Variants in SERPINB4 observed in about 807,000 individuals in gnomAD.
The protein encoded by SERPINB4 is serpin B4.
In SERPINB4, 39 loss-of-function variants were observed where a neutral mutation model predicts 33.2. That is an observed-to-expected ratio of 1.18 (90% confidence interval 0.91 to 1.53). The LOEUF (loss-of-function observed/expected upper bound fraction) is 1.53, where lower values mean the gene tolerates loss of function less well. Among genes scored for constraint, SERPINB4 ranks in the 40% most tolerant of loss-of-function variants. The probability of loss-of-function intolerance (pLI) is 0.00; values close to 1 mark genes in which losing one functional copy is unlikely to be tolerated. For synonymous variants in SERPINB4, 191 were observed against 166.4 expected (o/e 1.15, Z -1.14); for missense variants, 564 against 455.4 (o/e 1.24, Z -2.17).
Position 63,641,675 on chromosome 18 carries a change from A to C in SERPINB4, c.351+85T>G, listed in dbSNP as rs191507419. ...CTCTCCACCTGAGTCGGCCAGGCTC[A>C]TCTGCCTTGCTTTCTTCCATTTGGC... On this transcript the variant is annotated intron_variant, in intron 4 of 7. Coordinates refer to ENST00000341074, the MANE Select transcript of SERPINB4 (RefSeq NM_002974.4). 220 of 1,607,628 alleles carry C rather than the reference A, an allele frequency of 1.4e-4. No homozygotes were observed. The African/African-American group carries it at 2.7e-3, about 20-fold the overall frequency.
intron 1 of SERPINB4, 43 bp from the exon 2 acceptor site, chr18:63,643,646 G>A (rs2144478503): frequency 1.3e-6 from 2 of 1,554,934 alleles, no homozygotes; most frequent in Non-Finnish European, 1.8e-6. Context: ...TTTAATAAAT[G>A]GAATGGTATT....
In SERPINB4 at chr18:63,637,806, C is replaced by T. The variant is rs143833015; in HGVS notation, c.1086G>A (p.Glu362=). 2 of 1,613,426 alleles carry T rather than the reference C, an allele frequency of 1.2e-6. No individual in the cohort carries two copies. The highest frequency in any genetic ancestry group is 2.7e-5 in the African/African-American group (2 of 74,860). Residue 362 remains glutamate, a synonymous_variant, in exon 8 of 8, where the codon GAG becomes GAA. Transcript: ENST00000341074. ...ATAGGAAAGGGTGATTACAACAGAA[C>T]TCTTCATTAGTTGAAGGAGATGATA... ...VELSSPSTNE[E]FCCNHPFLFF... is the part of the protein sequence containing the mutation.
rs1165046734 is a variant in SERPINB4, at chr18:63,638,037, A to G, written c.855T>C (p.Pro285=). The change falls in exon 8 of 8, where the codon CCT becomes CCC. Residue 285 remains proline, a synonymous_variant. Transcript: ENST00000341074. ...CATAGCTCTCTTCCATTTTGAACCG[A>G]GGTAAGTGTAAATCGACACATGTCT... ...MRETCVDLHL[P]RFKMEESYDL... The G allele has an allele frequency of 1.9e-6, 3 of 1,613,464 alleles. No individual in the cohort carries two copies. The Admixed American group carries it at 5.0e-5, about 27-fold the overall frequency.
At position 63,643,736 on chromosome 18, in the gene SERPINB4, C is replaced by T. The variant is rs191252624; in HGVS notation, c.-26-133G>A. On this transcript the variant is annotated intron_variant, in intron 1 of 7. Transcript: ENST00000341074. ...TTTAAAGTTTTTCTCTTATTTTTAA[C>T]GCTTCAATCTTTCTACAATGTGCAT... The T allele has an allele frequency of 2.0e-4, 194 of 974,444 alleles. 1 individual carries two copies. The African/African-American group carries it at 2.4e-3, about 12-fold the overall frequency. The allele number at this position is 974,444 out of a possible 1,614,324, so 60.4% of individuals were successfully genotyped here.
intron 5 of SERPINB4, among the ~76,000 whole-genome samples, 163 bp downstream of exon 5, chr18:63,640,711 C>T (rs1174338602): frequency 6.6e-6 from 1 of 151,974 alleles, no homozygotes; most frequent in Non-Finnish European, 1.5e-5. Context: ...CCCCTAGGCT[C>T]TCTTCATATT....
rs762233241 is a variant in SERPINB4, at chr18:63,639,335, T to G, written c.618A>C (p.Thr206=). The change falls in exon 7 of 8, where the codon ACA becomes ACC. Residue 206 remains threonine, a synonymous_variant. Transcript: ENST00000341074. ...KEEKFWPNKN[T]YKSVQMMRQY... ...GCCTCATCATCTGTACAGATTTGTA[T>G]GTATTCTGCAATAAATCAATGTGTC... 5.0e-6 allele frequency: 8 copies of G among 1,602,460 alleles called. No individual in the cohort carries two copies. The highest frequency in any genetic ancestry group is 3.4e-6 in the Non-Finnish European group (4 of 1,172,662).
At position 63,637,857 on chromosome 18, in the gene SERPINB4, A is replaced by T. The variant is rs1049566442; in HGVS notation, c.1035T>A (p.Ala345=). The part of the protein sequence containing the change: ...EVTEEGVEAA[A]ATAVVVVELS... ...ATTCGACTACTACTACAGCGGTGGC[A>T]GCTGCAGCTTCCACTCCCTCCTCAG... Residue 345 remains alanine, a synonymous_variant, in exon 8 of 8, where the codon GCT becomes GCA. Transcript: ENST00000341074. 2 of 1,613,542 alleles carry T rather than the reference A, an allele frequency of 1.2e-6. No homozygotes were observed. The highest frequency in any genetic ancestry group is 1.3e-5 in the African/African-American group (1 of 75,002).
In SERPINB4 at chr18:63,639,192, A is replaced by C. The variant is rs749502774; in HGVS notation, c.761T>G (p.Leu254Arg). ...GTAGATGCAAGTTCTTACCTTCTGC[A>C]GACCATCGATTTCATTTGGCAGCAG... ...IVLLPNEIDG[L>R]QKLEEKLTAE... The change falls in exon 7 of 8, where the codon CTG becomes CGG. Residue 254 changes from leucine to arginine, a missense_variant. Coordinates refer to ENST00000341074, the MANE Select transcript of SERPINB4 (RefSeq NM_002974.4). The C allele has an allele frequency of 1.2e-6, 2 of 1,607,876 alleles. No homozygotes were observed. The highest frequency in any genetic ancestry group is 1.7e-6 in the Non-Finnish European group (2 of 1,176,350).
At chr18:63,642,859 G>T (rs754425068) in intron 3 of SERPINB4, 3 of 315,294 alleles carry the variant, frequency 9.5e-6, no homozygotes, top group Non-Finnish European at 1.8e-5. Context: ...GAGGTCACTG[G>T]GACTCCGAGC....
chr18:63,640,379 G>C (rs1172348680), intron 5 of SERPINB4, among the ~76,000 whole-genome samples: 3 of 152,042 alleles, frequency 2.0e-5, no homozygotes, highest in African/African-American at 7.2e-5. Flanking sequence ...GCCCTTGATG[G>C]GGAAGAGAGC....
intron 3 of SERPINB4, among the ~76,000 whole-genome samples, chr18:63,642,538 C>A (rs1913169945): frequency 1.3e-5 from 2 of 152,062 alleles, no homozygotes; most frequent in African/African-American, 4.8e-5. Flanking sequence ...AGTTTTGAAC[C>A]TAAGCCTGTT....
At position 63,637,719 on chromosome 18, in the gene SERPINB4, C is replaced by A; in HGVS notation, c.1173G>T (p.Ter391TyrextTer9). The change falls in exon 8 of 8, where the codon TAG becomes TAT. Residue 391 changes from the stop codon to tyrosine (Y), a stop_lost. Coordinates refer to ENST00000341074, the MANE Select transcript of SERPINB4 (RefSeq NM_002974.4). ...AAATGGAGTGACAGACTAATTGCAT[C>A]TATGGGGATGAGAATCTGCCATAGA... ...ILFYGRFSSP[*>Y] 1 of 1,599,024 alleles carries A rather than the reference C, an allele frequency of 6.3e-7. No individual in the cohort carries two copies. The highest frequency in any genetic ancestry group is 8.5e-7 in the Non-Finnish European group (1 of 1,172,288).
At chr18:63,643,092 T>C in intron 3 of SERPINB4, 69 bp downstream of exon 3, 1 of 1,598,440 alleles carries the variant, frequency 6.3e-7, no homozygotes, top group South Asian at 1.1e-5. Flanking sequence ...TTAGTTTTTG[T>C]GAAGTTCCAG....
At chr18:63,640,791 C>A in intron 5 of SERPINB4, 83 bp downstream of exon 5, 10 of 1,184,272 alleles carry the variant, frequency 8.4e-6, no homozygotes, top group Admixed American at 1.8e-5. Context: ...AATCCCCACA[C>A]CTGTTCCCCC....
At chr18:63,640,791 C>G (rs1168303051) in intron 5 of SERPINB4, 83 bp downstream of exon 5, 1 of 1,184,272 alleles carries the variant, frequency 8.4e-7, no homozygotes, top group South Asian at 1.3e-5. Context: ...AATCCCCACA[C>G]CTGTTCCCCC....
chr18:63,640,101 T>C (rs1010346865), intron 5 of SERPINB4, among the ~76,000 whole-genome samples: 9 of 152,084 alleles, frequency 5.9e-5, no homozygotes, highest in African/African-American at 2.2e-4. Flanking sequence ...TCTTCCAACA[T>C]GTGTCTTTCC....
At chr18:63,642,888 T>C (rs1598929515) in intron 3 of SERPINB4, 2 of 450,872 alleles carry the variant, frequency 4.4e-6, no homozygotes, top group East Asian at 3.9e-5. Flanking sequence ...CCTGCTCTTA[T>C]TCATCATTTG....
chr18:63,644,021 GT>G (rs1195387857), intron 1 of SERPINB4, among the ~76,000 whole-genome samples, 187 bp downstream of exon 1: 1 of 151,596 alleles, frequency 6.6e-6, no homozygotes, highest in Non-Finnish European at 1.5e-5. Context: ...AAGTGCCTTG[GT>G]TTACTTGGAA....
Position 63,638,075 on chromosome 18 carries a change from G to A in SERPINB4, c.817C>T (p.Gln273Ter), listed in dbSNP as rs375178513. The change falls in exon 8 of 8, where the codon CAG becomes TAG. Residue 273 changes from glutamine to a stop codon, truncating the protein, a stop_gained. Coordinates refer to ENST00000341074, the MANE Select transcript of SERPINB4 (RefSeq NM_002974.4). LOFTEE classifies it low-confidence loss of function (END_TRUNC). ...AEKLMEWTSL[Q>*]NMRETCVDLH... is the part of the protein sequence containing the mutation. Reference sequence around the variant, plus strand: ...TCGACACATGTCTCTCTCATATTCTGCAAACTTGTCCATTCCATCAATTTC... The same window carrying A: ...TCGACACATGTCTCTCTCATATTCTACAAACTTGTCCATTCCATCAATTTC... 1.9e-6 allele frequency: 3 copies of A among 1,613,350 alleles called. No homozygotes were observed. In the South Asian group the frequency reaches 3.3e-5, roughly 18 times the overall value.
Sources: gnomAD v4.1 joint callset for allele counts (sites outside exome capture counted in the v4.1 genomes callset) on GRCh38, gnomAD v4.1.1 for gene constraint, MANE v1.5 for transcripts, NCBI Gene and HGNC (gene_info 2026-07-23, HGNC 2026-07-21) for gene names.